The following PLOD2 variants were observed in gnomAD, a reference collection of about 807,000 sequenced individuals.
PLOD2 encodes the protein procollagen-lysine,2-oxoglutarate 5-dioxygenase 2.
A neutral mutation model predicts 101.0 loss-of-function variants in PLOD2; 65 were observed. That is an observed-to-expected ratio of 0.64 (90% CI 0.53 to 0.79). The LOEUF is 0.79. PLOD2 is among the 30% of genes least tolerant of loss of function. The pLI is 0.00. For missense variants in PLOD2, 909 were observed against 914.6 expected, an observed-to-expected ratio of 0.99 and a Z score of 0.08; for synonymous variants, 314 against 302.9, an observed-to-expected ratio of 1.04 and a Z score of -0.38.
intron 1 of PLOD2, among the ~76,000 whole-genome samples, chr3:146,157,276 A>G (rs1174650443): frequency 6.6e-6 from 1 of 152,084 alleles, no homozygotes; most frequent in Non-Finnish European, 1.5e-5. Flanking sequence ...ATAAAAATGA[A>G]TAAAACTCAG....
chr3:146,105,816 A>G (rs1377542395), intron 5 of PLOD2, among the ~76,000 whole-genome samples: 1 of 152,220 alleles, frequency 6.6e-6, no homozygotes, highest in East Asian at 1.9e-4. Context: ...CCTATCTAGG[A>G]TCAAAGAAGC....
chr3:146,079,397 GAT>G (rs976877861), intron 12 of PLOD2, 140 bp from the exon 13 acceptor site: 20 of 660,570 alleles, frequency 3.0e-5, no homozygotes, highest in South Asian at 5.3e-5. Flanking sequence ...TATATTCAAT[GAT>G]ATATATATAA....
chr3:146,073,251 C>T, intron 16 of PLOD2, 36 bp downstream of exon 16: 1 of 835,196 alleles, frequency 1.2e-6, no homozygotes, highest in Non-Finnish European at 1.9e-6. Context: ...AAAATAACAG[C>T]AAAATTTTCT....
intron 2 of PLOD2, 63 bp downstream of exon 2, chr3:146,124,075 T>C (rs1437628367): frequency 1.2e-6 from 1 of 856,044 alleles, no homozygotes; most frequent in Non-Finnish European, 2.0e-6. Flanking sequence ...TGTACTGCTG[T>C]TATGAAAAAC....
At chr3:146,160,846 C>T in intron 1 of PLOD2, 35 bp downstream of exon 1, 1 of 1,377,574 alleles carries the variant, frequency 7.3e-7, no homozygotes, top group Non-Finnish European at 1.0e-6. Context: ...GCCGGCCGAG[C>T]CTCGCGGGAC....
At chr3:146,154,652 A>G (rs988573347) in intron 1 of PLOD2, among the ~76,000 whole-genome samples, 2 of 152,236 alleles carry the variant, frequency 1.3e-5, no homozygotes, top group Non-Finnish European at 2.9e-5. Flanking sequence ...TTTCCACACT[A>G]ACAAATTAAG....
intron 1 of PLOD2, among the ~76,000 whole-genome samples, chr3:146,153,882 A>C (rs1342194179): frequency 6.6e-6 from 1 of 152,106 alleles, no homozygotes; most frequent in African/African-American, 2.4e-5. Flanking sequence ...GGAAAGTCCT[A>C]TCTCTCACCT....
At chr3:146,124,937 T>G in intron 1 of PLOD2, among the ~76,000 whole-genome samples, 1 of 152,256 alleles carries the variant, frequency 6.6e-6, no homozygotes, top group Non-Finnish European at 1.5e-5. Flanking sequence ...ATAACACTTC[T>G]TTTTAGTAAA....
intron 7 of PLOD2, among the ~76,000 whole-genome samples, chr3:146,097,947 C>T (rs933082505): frequency 1.3e-5 from 2 of 152,020 alleles, no homozygotes; most frequent in African/African-American, 4.8e-5. Flanking sequence ...CAAACTAACA[C>T]AGAAACGGGA....
intron 1 of PLOD2, among the ~76,000 whole-genome samples, chr3:146,158,753 ACAG>A (rs1157123699): frequency 9.8e-4 from 149 of 152,150 alleles, no homozygotes; most frequent in African/African-American, 3.4e-3. Context: ...ACATCAATGC[ACAG>A]GATAGTCCCT....
Position 146,076,871 on chromosome 3 carries a change from T to C in PLOD2, c.1588A>G (p.Arg530Gly), listed in dbSNP as rs1308273428. 6.4e-7 allele frequency: 1 copy of C among 1,567,006 alleles called. No individual in the cohort carries two copies. The highest frequency in any genetic ancestry group is 2.3e-5 in the East Asian group (1 of 44,430). ...PKGVFMYISN[R>G]HEFGRLLSTA... ...GATAATAGCCTTCCAAATTCATGTCTATTAGAAATGTACATAAATACACCC... is the reference window on the plus strand; with the variant it reads ...GATAATAGCCTTCCAAATTCATGTCCATTAGAAATGTACATAAATACACCC... The change falls in exon 15 of 20, where the codon AGA (arginine) becomes GGA (glycine). Residue 530 changes from arginine (R) to glycine (G), a missense_variant. Transcript: ENST00000282903.
intron 5 of PLOD2, among the ~76,000 whole-genome samples, chr3:146,104,552 A>C (rs1395101007): frequency 1.3e-5 from 2 of 152,242 alleles, no homozygotes; most frequent in African/African-American, 4.8e-5. Flanking sequence ...CACTTAAAGA[A>C]AATCTTGTTT....
intron 1 of PLOD2, among the ~76,000 whole-genome samples, chr3:146,140,544 CAG>C (rs998000902): frequency 6.6e-6 from 1 of 151,996 alleles, no homozygotes; most frequent in Admixed American, 6.6e-5. Flanking sequence ...ATATACAGCT[CAG>C]AGAGTCTGAA....
At position 146,110,404 on chromosome 3, in the gene PLOD2, T is replaced by A. The variant is rs768259379; in HGVS notation, c.383A>T (p.Lys128Ile). 39 of 1,613,554 alleles carry A rather than the reference T, an allele frequency of 2.4e-5. No individual in the cohort carries two copies. Among genetic ancestry groups the A allele is most frequent in the Non-Finnish European group, 3.2e-5 (38 of 1,179,792 alleles). ...CACTTTGTGGTTTGCCTTTTGGAAT[T>A]TTTTTAGAACTTCTTCTGGACCACC... The part of the protein sequence containing the change: ...FAGGPEEVLK[K>I]FQKANHKVVF... The change falls in exon 4 of 20, where the codon AAA becomes ATA. Residue 128 changes from lysine (K) to isoleucine (I), a missense_variant. Transcript: ENST00000282903.
intron 13 of PLOD2, among the ~76,000 whole-genome samples, 185 bp from the exon 14 acceptor site, chr3:146,078,109 C>A (rs949096037): frequency 1.3e-5 from 2 of 151,784 alleles, no homozygotes; most frequent in African/African-American, 4.8e-5. Context: ...CTCTTTCAGC[C>A]CTTCTTTTCT....
chr3:146,133,196 C>T (rs1332435755), intron 1 of PLOD2, among the ~76,000 whole-genome samples: 1 of 151,992 alleles, frequency 6.6e-6, no homozygotes, highest in African/African-American at 2.4e-5. Flanking sequence ...AAATAAAAGG[C>T]TCCATTTTCC....
chr3:146,071,198 CTTA>C (rs774014165), intron 18 of PLOD2, 31 bp from the exon 19 acceptor site: 1 of 1,610,662 alleles, frequency 6.2e-7, no homozygotes, highest in East Asian at 2.2e-5. Flanking sequence ...AGTGGATTTG[CTTA>C]TTAATAAAAA....
chr3:146,086,735 A>C, intron 10 of PLOD2, 52 bp downstream of exon 10: 1 of 1,235,682 alleles, frequency 8.1e-7, no homozygotes, highest in South Asian at 1.6e-5. Flanking sequence ...ATTTTTTCTT[A>C]ACGTTTCCTT....
chr3:146,077,340 C>T, intron 14 of PLOD2: 1 of 200,136 alleles, frequency 5.0e-6, no homozygotes, highest in Non-Finnish European at 9.1e-6. Flanking sequence ...CTTTCTTTTT[C>T]TAATGTTTAA....
Sources: allele counts gnomAD v4.1 joint callset (sites outside exome capture counted in the v4.1 genomes callset), GRCh38; gene constraint gnomAD v4.1.1; transcripts MANE v1.5; gene names NCBI Gene and HGNC (gene_info 2026-07-23, HGNC 2026-07-21).